The following DOCK10 variants were observed in gnomAD, a reference collection of about 807,000 sequenced individuals.
DOCK10 encodes the protein dedicator of cytokinesis protein 10.
A neutral mutation model predicts 280.1 loss-of-function variants in DOCK10; 145 were observed. The ratio of observed to expected loss-of-function variants is 0.52; its 90% confidence interval spans 0.45 to 0.59. The LOEUF is 0.59. DOCK10 is among the 20% of genes least tolerant of loss of function. The pLI, the probability that DOCK10 is intolerant of heterozygous loss-of-function variation, is 0.00. For synonymous variants in DOCK10, 915 were observed against 942.2 expected, an observed-to-expected ratio of 0.97 and a Z score of 0.53; for missense variants, 2,368 against 2,651.7, an observed-to-expected ratio of 0.89 and a Z score of 2.35.
chr2:224,959,255 A>G (rs149778480), intron 1 of DOCK10, among the ~76,000 whole-genome samples: 212 of 148,878 alleles, frequency 1.4e-3, no homozygotes, highest in African/African-American at 5.0e-3. Flanking sequence ...TTCAACATCT[A>G]TCGCTGATAG....
At position 224,837,834 on chromosome 2, in the gene DOCK10, G is replaced by A. The variant is rs759806784; in HGVS notation, c.2781-3C>T. 3.7e-6 allele frequency: 6 copies of A among 1,613,538 alleles called. No homozygotes were observed. Among genetic ancestry groups the A allele is most frequent in the Admixed American group, 1.7e-5 (1 of 60,020 alleles). ...TGGCCACAATGTCGGTCAGAACCCT[G>A]CAAAAGCAAAGCTGTTCAGTGGCCT... On this transcript the variant is annotated splice_polypyrimidine_tract_variant and splice_region_variant and intron_variant, in intron 24 of 55. Transcript: ENST00000258390.
At chr2:224,913,474 C>T (rs1701144517) in intron 3 of DOCK10, among the ~76,000 whole-genome samples, 1 of 151,944 alleles carries the variant, frequency 6.6e-6, no homozygotes, top group East Asian at 1.9e-4. Flanking sequence ...ATTTTGAATA[C>T]TAGGAATGTA....
intron 1 of DOCK10, among the ~76,000 whole-genome samples, chr2:224,947,553 A>C (rs1218523491): frequency 6.6e-6 from 1 of 152,248 alleles, no homozygotes; most frequent in Non-Finnish European, 1.5e-5. Flanking sequence ...ATTATGCTTG[A>C]CTATTATTTA....
At chr2:224,971,583 T>C (rs1176405465) in intron 1 of DOCK10, among the ~76,000 whole-genome samples, 1 of 152,222 alleles carries the variant, frequency 6.6e-6, no homozygotes, top group East Asian at 1.9e-4. Flanking sequence ...TAAGTGGCTA[T>C]GAAGTCCTTG....
chr2:225,018,076 A>C (rs1689665725), intron 1 of DOCK10, among the ~76,000 whole-genome samples: 1 of 152,182 alleles, frequency 6.6e-6, no homozygotes, highest in East Asian at 1.9e-4. Flanking sequence ...TTCAATAACA[A>C]AAAGGGCATT....
At chr2:224,841,131 T>C (rs1695935737) in intron 23 of DOCK10, among the ~76,000 whole-genome samples, 1 of 152,212 alleles carries the variant, frequency 6.6e-6, no homozygotes, top group Non-Finnish European at 1.5e-5. Flanking sequence ...GAGATGTTGA[T>C]CAAAGGATAC....
In DOCK10 at chr2:225,016,108, G is replaced by C. The variant is rs1478886253; in HGVS notation, c.123+26144C>G. Among the ~76,000 whole-genome samples, 3 of 152,082 alleles carry C rather than the reference G, an allele frequency of 2.0e-5. No individual in the cohort carries two copies. In the East Asian group the frequency reaches 5.8e-4, roughly 29 times the overall value. On this transcript the variant is annotated intron_variant, in intron 1 of 55. Coordinates refer to ENST00000258390, the MANE Select transcript of DOCK10 (RefSeq NM_014689.3). Reference sequence around the variant, plus strand: ...TTCTGTTAATGTGCTGCTCTATTATGGCCACTTCATCTAGAGTCAGGTAGC... The same window carrying C: ...TTCTGTTAATGTGCTGCTCTATTATCGCCACTTCATCTAGAGTCAGGTAGC...
chr2:224,854,405 G>A (rs1574942228), intron 16 of DOCK10, among the ~76,000 whole-genome samples: 2 of 152,202 alleles, frequency 1.3e-5, no homozygotes, highest in East Asian at 3.9e-4. Context: ...AAAAATATAT[G>A]TTCTCTGTAT....
chr2:224,804,220 T>C lies in DOCK10; in HGVS notation c.4167-7A>G. 6.3e-7 allele frequency: 1 copy of C among 1,586,434 alleles called. No homozygotes were observed. Among genetic ancestry groups the C allele is most frequent in the Non-Finnish European group, 8.6e-7 (1 of 1,157,904 alleles). On this transcript the variant is annotated splice_polypyrimidine_tract_variant and splice_region_variant and intron_variant, in intron 38 of 55. Coordinates refer to ENST00000258390, the MANE Select transcript of DOCK10 (RefSeq NM_014689.3). ...AAATGCAGCAGCAATTTTTCTGCAA[T>C]GAAAATGGAAGTTTTAATCATAGCT... is the stretch of plus-strand genomic sequence containing the variant.
intron 2 of DOCK10, among the ~76,000 whole-genome samples, chr2:224,918,756 G>GCA (rs1701487821): frequency 7.2e-6 from 1 of 138,456 alleles, no homozygotes; most frequent in African/African-American, 2.5e-5. Context: ...ATACATGAGT[G>GCA]TGTCGCATTT....
At chr2:224,851,447 C>CTTT (rs34157478) in intron 18 of DOCK10, among the ~76,000 whole-genome samples, 7 of 116,830 alleles carry the variant, frequency 6.0e-5, no homozygotes, top group Non-Finnish European at 5.8e-5. Flanking sequence ...TCAAGACCTT[C>CTTT]TTTTTTTTTT....
chr2:224,769,344 T>C (rs577058040), intron 55 of DOCK10, among the ~76,000 whole-genome samples: 1 of 152,238 alleles, frequency 6.6e-6, no homozygotes, highest in South Asian at 2.1e-4. Context: ...ACACACTTCA[T>C]GGTTTGTGAG....
At position 224,916,911 on chromosome 2, in the gene DOCK10, C is replaced by A; in HGVS notation, c.244-127G>T. 5.9e-6 allele frequency: 4 copies of A among 677,460 alleles called. No individual in the cohort carries two copies. The Admixed American group carries it at 1.0e-4, about 17-fold the overall frequency. The allele number at this position is 677,460 out of a possible 1,614,324, so 42.0% of individuals were successfully genotyped here. A position where few individuals can be genotyped will look rare whatever the true frequency, so the allele number is the denominator to read the frequency against. ...TTAAAGTTAACAGAAGACAGAGACA[C>A]TTCTGTAGTTCTTCCCAATTTAATC... is the stretch of plus-strand genomic sequence containing the variant. On this transcript the variant is annotated intron_variant, in intron 2 of 55. Transcript: ENST00000258390.
At position 224,906,731 on chromosome 2, in the gene DOCK10, G is replaced by A. The variant is rs529972822; in HGVS notation, c.333+9964C>T. Reference sequence around the variant, plus strand: ...CCTGACCTGGTGATCCGCCCGCCTTGGCCTCCCAAAGTGCTGGGATTACAG... The same window carrying A: ...CCTGACCTGGTGATCCGCCCGCCTTAGCCTCCCAAAGTGCTGGGATTACAG... On this transcript the variant is annotated intron_variant, in intron 3 of 55. Transcript: ENST00000258390. Among the ~76,000 whole-genome samples, 10 of 152,268 alleles carry A rather than the reference G, an allele frequency of 6.6e-5. No individual in the cohort carries two copies. The East Asian group carries it at 1.7e-3, about 26-fold the overall frequency.
chr2:224,853,106 G>C lies in DOCK10; in HGVS notation c.1905C>G (p.Ser635=). ...PLEHPNCVTS[S]FIPVKPFNMM... ...TGTTGAAAGGCTTGACAGGGATAAA[G>C]GACGATGTTACACAATCTTAAAAAA... Residue 635 remains serine, a synonymous_variant, in exon 17 of 56, where the codon TCC becomes TCG. Coordinates refer to ENST00000258390, the MANE Select transcript of DOCK10 (RefSeq NM_014689.3). 3.1e-6 allele frequency: 5 copies of C among 1,595,516 alleles called. No homozygotes were observed. The highest frequency in any genetic ancestry group is 4.3e-6 in the Non-Finnish European group (5 of 1,170,026).
chr2:224,779,222 CT>C (rs113624569), intron 50 of DOCK10, among the ~76,000 whole-genome samples: 243 of 142,998 alleles, frequency 1.7e-3, no homozygotes, highest in Middle Eastern at 3.5e-3. Flanking sequence ...TATCTGGTTT[CT>C]TTTTTTTTTT....
Position 224,889,952 on chromosome 2 carries a change from A to G in DOCK10, c.417-3421T>C, listed in dbSNP as rs537451294. On this transcript the variant is annotated intron_variant, in intron 4 of 55. Transcript: ENST00000258390. ...TGCTCCAGGTACCCTGTCTGCAGAG[A>G]ACAGAAGATGAGTGTTCCAGGATTC... Among the ~76,000 whole-genome samples the G allele has an allele frequency of 1.1e-4, 16 of 152,302 alleles. No homozygotes were observed. The East Asian group carries it at 1.5e-3, about 15-fold the overall frequency.
At chr2:224,860,254 G>A (rs186303683) in intron 14 of DOCK10, among the ~76,000 whole-genome samples, 1 of 152,134 alleles carries the variant, frequency 6.6e-6, no homozygotes, top group Non-Finnish European at 1.5e-5. Flanking sequence ...AACTTCTCAG[G>A]TTCTTTCAAT....
intron 1 of DOCK10, among the ~76,000 whole-genome samples, chr2:224,991,244 G>C (rs1415777149): frequency 1.3e-5 from 2 of 152,202 alleles, no homozygotes; most frequent in African/African-American, 4.8e-5. Context: ...AGCCTAGAAA[G>C]TGATTCAGAG....
Sources: gnomAD v4.1 joint callset for allele counts (sites outside exome capture counted in the v4.1 genomes callset) on GRCh38, gnomAD v4.1.1 for gene constraint, MANE v1.5 for transcripts, NCBI Gene and HGNC (gene_info 2026-07-23, HGNC 2026-07-21) for gene names.